Variants in DPP10 observed in about 807,000 individuals in gnomAD.
DPP10 encodes the protein dipeptidyl peptidase like 10, also known as inactive dipeptidyl peptidase 10.
A neutral mutation model predicts 120.9 loss-of-function variants in DPP10; 33 were observed. That is an observed-to-expected ratio of 0.27 (90% CI 0.21 to 0.37). The LOEUF (loss-of-function observed/expected upper bound fraction) is 0.37. Among genes scored for constraint, DPP10 ranks in the 10% least tolerant of loss-of-function variants. DPP10 has a pLI of 1.00. For synonymous variants in DPP10, 337 were observed against 326.1 expected (o/e 1.03, Z -0.36); for missense variants, 816 against 942.8 (o/e 0.87, Z 1.76).
At chr2:114,597,421 A>G (rs1277382596) in intron 1 of DPP10, among the ~76,000 whole-genome samples, 1 of 152,056 alleles carries the variant, frequency 6.6e-6, no homozygotes, top group Admixed American at 6.6e-5. Context: ...CTCAGAGTAA[A>G]TATAGGACAT....
chr2:114,743,333 T>C (rs1314292942), intron 1 of DPP10, among the ~76,000 whole-genome samples: 1 of 152,100 alleles, frequency 6.6e-6, no homozygotes, highest in Non-Finnish European at 1.5e-5. Flanking sequence ...TGTGAGTTTA[T>C]GGATGAATGG....
At chr2:115,228,336 T>C (rs987567876) in intron 1 of DPP10, among the ~76,000 whole-genome samples, 2 of 152,038 alleles carry the variant, frequency 1.3e-5, no homozygotes, top group African/African-American at 4.8e-5. Context: ...ACCTTAAGCA[T>C]TTACCCTTTC....
At chr2:114,549,025 T>C (rs1290066424) in intron 1 of DPP10, among the ~76,000 whole-genome samples, 1 of 152,224 alleles carries the variant, frequency 6.6e-6, no homozygotes, top group Non-Finnish European at 1.5e-5. Flanking sequence ...GCAGTTATCA[T>C]ATTTAATTTT....
chr2:114,684,453 C>T (rs1699236222), intron 1 of DPP10, among the ~76,000 whole-genome samples: 1 of 152,004 alleles, frequency 6.6e-6, no homozygotes, highest in African/African-American at 2.4e-5. Flanking sequence ...ATGAGGTTAG[C>T]ATATGAAAGT....
At chr2:115,159,005 A>G (rs946482696) in intron 1 of DPP10, among the ~76,000 whole-genome samples, 1 of 151,928 alleles carries the variant, frequency 6.6e-6, no homozygotes, top group Non-Finnish European at 1.5e-5. Context: ...ATTTCTAAGT[A>G]CTTAATTGAC....
intron 13 of DPP10, 23 bp downstream of exon 13, chr2:115,768,427 G>A: frequency 6.2e-7 from 1 of 1,601,462 alleles, no homozygotes; most frequent in Non-Finnish European, 8.5e-7. Context: ...TTTTTTCCAT[G>A]TTTTGATTTC....
At chr2:114,568,703 C>A (rs1689400803) in intron 1 of DPP10, among the ~76,000 whole-genome samples, 1 of 152,218 alleles carries the variant, frequency 6.6e-6, no homozygotes, top group Admixed American at 6.5e-5. Context: ...TAAACGCGAT[C>A]ATATTTAGTT....
chr2:115,782,301 T>C (rs1378469592), intron 16 of DPP10, 51 bp from the exon 17 acceptor site: 1 of 1,488,984 alleles, frequency 6.7e-7, no homozygotes, highest in South Asian at 1.2e-5. Context: ...TTCTAATGAT[T>C]ATTACTTAGA....
intron 1 of DPP10, among the ~76,000 whole-genome samples, chr2:114,870,058 C>T (rs1333893136): frequency 6.6e-6 from 1 of 152,132 alleles, no homozygotes; most frequent in African/African-American, 2.4e-5. Flanking sequence ...TTAATCTTAT[C>T]TCTATTTGAT....
At chr2:115,143,541 TA>T (rs1341707344) in intron 1 of DPP10, among the ~76,000 whole-genome samples, 6 of 152,220 alleles carry the variant, frequency 3.9e-5, no homozygotes, top group African/African-American at 1.4e-4. Flanking sequence ...AGATGTAGCA[TA>T]ATTTCCACAA....
chr2:114,507,279 G>T (rs919278987), intron 1 of DPP10, among the ~76,000 whole-genome samples: 1 of 151,964 alleles, frequency 6.6e-6, no homozygotes, highest in African/African-American at 2.4e-5. Context: ...AAATTCCTGG[G>T]CTCAAGCCAT....
chr2:114,755,505 T>C (rs548227729), intron 1 of DPP10, among the ~76,000 whole-genome samples: 2 of 152,206 alleles, frequency 1.3e-5, no homozygotes, highest in Non-Finnish European at 2.9e-5. Context: ...TGAACTTCTG[T>C]TTTAGGTACT....
chr2:114,518,896 G>A lies in DPP10; in HGVS notation c.60+76058G>A, dbSNP rs530042747. On this transcript the variant is annotated intron_variant, in intron 1 of 25. Coordinates refer to ENST00000410059, the MANE Select transcript of DPP10 (RefSeq NM_020868.6). ...TGTTTCATGGAGCTGTATCCATTCA[G>A]TTTATTACTCAGAGGCTGGGTAGTA... Among the ~76,000 whole-genome samples, 16 of 152,288 alleles carry A rather than the reference G, an allele frequency of 1.1e-4. No homozygotes were observed. In the East Asian group the frequency reaches 1.9e-3, roughly 18 times the overall value.
At chr2:115,261,024 A>C (rs1458413650) in intron 1 of DPP10, among the ~76,000 whole-genome samples, 1 of 152,122 alleles carries the variant, frequency 6.6e-6, no homozygotes, top group East Asian at 1.9e-4. Context: ...AAAATACTGC[A>C]TAGAGGCATT....
At chr2:115,655,759 T>A (rs972867623) in intron 5 of DPP10, among the ~76,000 whole-genome samples, 2 of 151,644 alleles carry the variant, frequency 1.3e-5, no homozygotes, top group Non-Finnish European at 3.0e-5. Flanking sequence ...AACACATTCC[T>A]ACTGAATTGA....
rs146295994 is a variant in DPP10, at chr2:115,079,144, G to A, written c.61-230095G>A. ...GCCTGTAATCCCAGCACTTTGGGGC[G>A]CTGAGGCGGGTGGATCGTGAGGTCA... On this transcript the variant is annotated intron_variant, in intron 1 of 25. Transcript: ENST00000410059. Among the ~76,000 whole-genome samples the A allele has an allele frequency of 3.8e-3, 577 of 152,302 alleles. 2 individuals are homozygous for A. Among genetic ancestry groups the A allele is most frequent in the African/African-American group, 0.012 (519 of 41,580 alleles).
chr2:115,223,656 A>G (rs1350631044), intron 1 of DPP10, among the ~76,000 whole-genome samples: 2 of 152,158 alleles, frequency 1.3e-5, no homozygotes, highest in South Asian at 4.1e-4. Flanking sequence ...CGAGTAAACG[A>G]AAATGCAGTC....
intron 5 of DPP10, among the ~76,000 whole-genome samples, chr2:115,633,870 C>T (rs1416706521): frequency 1.3e-5 from 2 of 152,130 alleles, no homozygotes; most frequent in Admixed American, 6.5e-5. Flanking sequence ...GATATCCTGA[C>T]GTATGTTTTA....
At chr2:114,812,037 C>A (rs1173494547) in intron 1 of DPP10, among the ~76,000 whole-genome samples, 5 of 152,112 alleles carry the variant, frequency 3.3e-5, no homozygotes, top group Admixed American at 3.3e-4. Flanking sequence ...GAGTTTCCAA[C>A]CTGAAGTCAG....
Sources: gnomAD v4.1 joint callset for allele counts (sites outside exome capture counted in the v4.1 genomes callset) on GRCh38, gnomAD v4.1.1 for gene constraint, MANE v1.5 for transcripts, NCBI Gene and HGNC (gene_info 2026-07-23, HGNC 2026-07-21) for gene names.